The following TDRD9 variants were observed in gnomAD, a reference collection of about 807,000 sequenced individuals.
TDRD9 encodes tudor domain containing 9.
Under a neutral mutation model 172.6 loss-of-function variants are expected in TDRD9, and 124 were observed. The observed-to-expected ratio is 0.72, with a 90% CI of 0.62 to 0.83. TDRD9 has a LOEUF of 0.83. Ranked by LOEUF, TDRD9 falls within the 40% of genes least tolerant of loss-of-function variation. TDRD9 has a pLI of 0.00. For missense variants in TDRD9, 1,479 were observed against 1,714.1 expected (o/e 0.86, Z 2.42); for synonymous variants, 619 against 617.1 (o/e 1.00, Z -0.05).
At chr14:104,036,406 G>A (rs1318007466) in intron 32 of TDRD9, among the ~76,000 whole-genome samples, 2 of 152,196 alleles carry the variant, frequency 1.3e-5, no homozygotes, top group East Asian at 1.9e-4. Flanking sequence ...GCGTCTTGGA[G>A]CCTCGGTGGG....
Position 104,026,891 on chromosome 14 carries a change from C to T in TDRD9, c.3234C>T (p.Leu1078=). The T allele has an allele frequency of 6.2e-7, 1 of 1,614,018 alleles. No homozygotes were observed. Among genetic ancestry groups the T allele is most frequent in the Non-Finnish European group, 8.5e-7 (1 of 1,179,890 alleles). The part of the protein sequence containing the change: ...VQDAINIRDV[L]IQQGYAELTE... ...ATGCCATCAACATAAGAGACGTCCT[C>T]ATCCAGCAGGGCTATGCCGAGCTCA... Residue 1078 remains leucine (L), a synonymous_variant, in exon 28 of 36, where the codon CTC becomes CTT. Coordinates refer to ENST00000409874, the MANE Select transcript of TDRD9 (RefSeq NM_153046.3).
At chr14:104,027,666 A>C (rs2035163702) in intron 28 of TDRD9, among the ~76,000 whole-genome samples, 2 of 152,220 alleles carry the variant, frequency 1.3e-5, no homozygotes, top group Admixed American at 6.5e-5. Context: ...GGTAATTAGC[A>C]AATCTGTCAC....
intron 7 of TDRD9, among the ~76,000 whole-genome samples, chr14:103,975,889 C>T (rs1461078295): frequency 4.6e-5 from 7 of 152,192 alleles, no homozygotes; most frequent in Non-Finnish European, 7.3e-5. Flanking sequence ...AGTCACCCCA[C>T]GGTGCTCTAG....
intron 2 of TDRD9, among the ~76,000 whole-genome samples, chr14:103,956,617 G>A (rs766678313): frequency 6.6e-6 from 1 of 151,758 alleles, no homozygotes; most frequent in Non-Finnish European, 1.5e-5. Context: ...TCTGTTCTTC[G>A]GAAGACTAAT....
chr14:104,005,704 C>T (rs574933096), intron 15 of TDRD9, among the ~76,000 whole-genome samples: 5 of 152,268 alleles, frequency 3.3e-5, no homozygotes, highest in South Asian at 4.1e-4. Context: ...AACTTGTAAC[C>T]GAGGCCTTGG....
At chr14:104,024,762 AC>A (rs2035064382) in intron 25 of TDRD9, 82 bp downstream of exon 25, 7 of 276,114 alleles carry the variant, frequency 2.5e-5, no homozygotes, top group African/African-American at 6.4e-5. Context: ...ACACACACAC[AC>A]ACACACACAC....
At chr14:104,040,769 G>A (rs115566828) in intron 33 of TDRD9, among the ~76,000 whole-genome samples, 56 of 152,348 alleles carry the variant, frequency 3.7e-4, no homozygotes, top group African/African-American at 1.2e-3. Flanking sequence ...CTGGGTCAGC[G>A]TGAGTGCAGA....
At chr14:103,939,242 G>A (rs1490742540) in intron 1 of TDRD9, among the ~76,000 whole-genome samples, 1 of 152,164 alleles carries the variant, frequency 6.6e-6, no homozygotes, top group East Asian at 1.9e-4. Context: ...TTCCTGGTAT[G>A]TATGGTGGGA....
chr14:103,963,910 C>T (rs1280650704), intron 3 of TDRD9, among the ~76,000 whole-genome samples: 3 of 152,034 alleles, frequency 2.0e-5, no homozygotes, highest in Non-Finnish European at 4.4e-5. Context: ...GAGTGGAGGT[C>T]GGGGAGTTCT....
At chr14:103,989,238 T>G (rs1294111269) in intron 8 of TDRD9, among the ~76,000 whole-genome samples, 1 of 152,250 alleles carries the variant, frequency 6.6e-6, no homozygotes, top group African/African-American at 2.4e-5. Flanking sequence ...TTACTGGGGT[T>G]TTCTTTGCAT....
Position 104,006,785 on chromosome 14 carries a change from C to T in TDRD9, c.1947C>T (p.Asn649=). 1.2e-6 allele frequency: 2 copies of T among 1,613,612 alleles called. No individual in the cohort carries two copies. The change falls in exon 18 of 36, where the codon AAC becomes AAT. Residue 649 remains asparagine, a synonymous_variant. Coordinates refer to ENST00000409874, the MANE Select transcript of TDRD9 (RefSeq NM_153046.3). ...PFRQHLDGYR[N]KVNFSGSSKS... ...TGACACTGTTATCTGTTTATAGGAACAAAGTGAATTTCTCTGGCAGTAGCA... is the reference window on the plus strand; with the variant it reads ...TGACACTGTTATCTGTTTATAGGAATAAAGTGAATTTCTCTGGCAGTAGCA...
chr14:103,949,692 A>C (rs1381252701), intron 1 of TDRD9, among the ~76,000 whole-genome samples: 1 of 152,072 alleles, frequency 6.6e-6, no homozygotes. Flanking sequence ...ATTTTATTTT[A>C]TTTTTGAAAC....
chr14:104,002,717 TTTTTC>T (rs1305121018), intron 13 of TDRD9, among the ~76,000 whole-genome samples: 1 of 143,862 alleles, frequency 7.0e-6, no homozygotes, highest in Non-Finnish European at 1.6e-5. Flanking sequence ...AGGCTAACCT[TTTTTC>T]TTTTCTTTTC....
chr14:103,961,387 A>AC (rs1315150451), intron 2 of TDRD9, among the ~76,000 whole-genome samples: 3 of 152,138 alleles, frequency 2.0e-5, no homozygotes, highest in East Asian at 3.9e-4. Context: ...ACATGGTGAA[A>AC]CCCCATCTCT....
intron 7 of TDRD9, among the ~76,000 whole-genome samples, chr14:103,977,828 T>C (rs76593005): frequency 0.022 from 3,354 of 152,240 alleles, 66 homozygotes; most frequent in East Asian, 0.047. Flanking sequence ...TAAATCCATT[T>C]TGAGTTGATT....
At chr14:103,964,529 TTTTG>T (rs201172803) in intron 3 of TDRD9, among the ~76,000 whole-genome samples, 2,499 of 152,184 alleles carry the variant, frequency 0.016, 72 homozygotes, top group African/African-American at 0.057. Flanking sequence ...GTTTTTGTTT[TTTTG>T]TTTGTTTGTT....
In TDRD9 at chr14:104,006,423, A is replaced by G. The variant is rs1206548652; in HGVS notation, c.1748A>G (p.Asp583Gly). 1 of 1,613,922 alleles carries G rather than the reference A, an allele frequency of 6.2e-7. No homozygotes were observed. Among genetic ancestry groups the G allele is most frequent in the African/African-American group, 1.3e-5 (1 of 75,056 alleles). The change falls in exon 16 of 36, where the codon GAT becomes GGT. Residue 583 changes from aspartate to glycine, a missense_variant. By Grantham distance (94) the Asp-to-Gly change is moderately conservative. Transcript: ENST00000409874. ...GALAVSGQREDENPHDGELTF... is the reference protein window; with the variant it reads ...GALAVSGQREGENPHDGELTF... ...CTTGCAGTGAGTGGGCAGAGAGAAG[A>G]TGAAAACCCCCATGATGGTGAATTG...
At chr14:103,969,943 A>G (rs1267451848) in intron 5 of TDRD9, among the ~76,000 whole-genome samples, 1 of 152,066 alleles carries the variant, frequency 6.6e-6, no homozygotes, top group East Asian at 1.9e-4. Flanking sequence ...TGTCAGTGCT[A>G]CTGACCTCGG....
chr14:104,034,193 CTT>C (rs1555375500), intron 31 of TDRD9, 124 bp downstream of exon 31: 14 of 158,080 alleles, frequency 8.9e-5, no homozygotes, highest in African/African-American at 3.7e-4. Context: ...CTTTTTTTTT[CTT>C]TTTTTTTTTT....
Sources: gnomAD v4.1 joint callset for allele counts (sites outside exome capture counted in the v4.1 genomes callset) on GRCh38, gnomAD v4.1.1 for gene constraint, MANE v1.5 for transcripts, NCBI Gene and HGNC (gene_info 2026-07-23, HGNC 2026-07-21) for gene names.